Variants in MAP2K4 observed in about 807,000 individuals in gnomAD.
The protein encoded by MAP2K4 is dual specificity mitogen-activated protein kinase kinase 4.
MAP2K4 carries 4 observed loss-of-function variants against 48.5 expected under a neutral mutation model. The observed-to-expected ratio is 0.08, with a 90% confidence interval of 0.04 to 0.19. MAP2K4 has a LOEUF of 0.19. Among genes scored for constraint, MAP2K4 ranks in the 10% least tolerant of loss-of-function variants. The pLI is 1.00. For missense variants in MAP2K4, 258 were observed against 493.3 expected (o/e 0.52, Z 4.52); for synonymous variants, 166 against 173.1 (o/e 0.96, Z 0.32).
intron 2 of MAP2K4, among the ~76,000 whole-genome samples, chr17:12,056,514 C>T (rs1597419593): frequency 6.6e-6 from 1 of 151,962 alleles, no homozygotes; most frequent in Non-Finnish European, 1.5e-5. Context: ...TTTGTTTCTT[C>T]CCAGCAAGTA....
intron 3 of MAP2K4, among the ~76,000 whole-genome samples, chr17:12,088,479 A>G (rs1971441785): frequency 1.2e-5 from 1 of 80,412 alleles, no homozygotes; most frequent in Non-Finnish European, 2.7e-5. Context: ...TAAATATAAT[A>G]TTAAATATAC....
In MAP2K4 at chr17:12,134,612, T is replaced by C. The variant is rs138550672; in HGVS notation, c.1041-5227T>C. 1.2e-3 allele frequency among the ~76,000 whole-genome samples: 179 copies of C among 152,312 alleles called. 1 individual carries two copies. The highest frequency in any genetic ancestry group is 4.0e-3 in the African/African-American group (167 of 41,582). The stretch of plus-strand genomic sequence containing the variant: ...GTAGACAAAGAATTAAAATTAAAAT[T>C]CCTTCTACTTGAAGAATAACTCAAG... On this transcript the variant is annotated intron_variant, in intron 9 of 10. Coordinates refer to ENST00000353533, the MANE Select transcript of MAP2K4 (RefSeq NM_003010.4).
chr17:12,060,293 A>G lies in MAP2K4; in HGVS notation c.218+5302A>G, dbSNP rs903233785. 5.3e-5 allele frequency among the ~76,000 whole-genome samples: 8 copies of G among 152,082 alleles called. No individual in the cohort carries two copies. The South Asian group carries it at 8.3e-4, about 16-fold the overall frequency. ...ACTTTATCACTTAATTCTGCTCTCAATTTAGGCATTGAATTAGAATAGCGA... is the reference window on the plus strand; with the variant it reads ...ACTTTATCACTTAATTCTGCTCTCAGTTTAGGCATTGAATTAGAATAGCGA... On this transcript the variant is annotated intron_variant, in intron 2 of 10. Coordinates refer to ENST00000353533, the MANE Select transcript of MAP2K4 (RefSeq NM_003010.4).
intron 2 of MAP2K4, chr17:12,069,664 C>T: frequency 1.0e-6 from 1 of 1,000,044 alleles, no homozygotes; most frequent in Non-Finnish European, 1.2e-6. Flanking sequence ...TCTTAGATCA[C>T]AGCAAAGATA....
At chr17:12,140,714 C>T (rs1470691975) in intron 10 of MAP2K4, among the ~76,000 whole-genome samples, 3 of 152,088 alleles carry the variant, frequency 2.0e-5, no homozygotes. Flanking sequence ...AAAGGTCCTC[C>T]TGTTGTATAT....
chr17:12,040,123 T>C (rs142265869), intron 1 of MAP2K4, among the ~76,000 whole-genome samples: 2,129 of 152,298 alleles, frequency 0.014, 25 homozygotes, highest in Non-Finnish European at 0.022. Flanking sequence ...GCCAGTGTGA[T>C]CCATATAGTG....
Position 12,142,121 on chromosome 17 carries a change from A to T in MAP2K4, c.*861A>T, listed in dbSNP as rs1973394146. 4.3e-6 allele frequency: 1 copy of T among 233,448 alleles called. No individual in the cohort carries two copies. The highest frequency in any genetic ancestry group is 5.6e-5 in the Admixed American group (1 of 17,780). 14.5% of individuals were successfully genotyped at this position (233,448 alleles called of 1,614,324 possible). ...CAGGACTGAAAGAAGAAAACAGTAC[A>T]GAAGGCAAAGTTTACAGATGTTTTT... On this transcript the variant is annotated 3_prime_UTR_variant, in exon 11 of 11. Coordinates refer to ENST00000353533, the MANE Select transcript of MAP2K4 (RefSeq NM_003010.4).
chr17:12,046,512 A>G (rs532584488), intron 1 of MAP2K4, among the ~76,000 whole-genome samples: 1 of 152,268 alleles, frequency 6.6e-6, no homozygotes, highest in East Asian at 1.9e-4. Context: ...GTGGAATTAT[A>G]TATTTGCTTG....
intron 3 of MAP2K4, among the ~76,000 whole-genome samples, chr17:12,092,426 C>T (rs189206781): frequency 2.0e-4 from 30 of 152,204 alleles, no homozygotes; most frequent in African/African-American, 7.0e-4. Flanking sequence ...TTAGAAGATC[C>T]TGGACTCACT....
At chr17:12,024,396 G>C (rs559132739) in intron 1 of MAP2K4, among the ~76,000 whole-genome samples, 1 of 152,254 alleles carries the variant, frequency 6.6e-6, no homozygotes, top group East Asian at 1.9e-4. Context: ...TCAGATAATA[G>C]GGAATAGCTG....
At position 12,095,617 on chromosome 17, in the gene MAP2K4, C is replaced by G. The variant is rs1307654543; in HGVS notation, c.436C>G (p.Leu146Val). Reference sequence around the variant, plus strand: ...GGATGAAAAAGAACAAAAACAACTTCTTATGGATTTGGATGTAGTAATGCG... The same window carrying G: ...GGATGAAAAAGAACAAAAACAACTTGTTATGGATTTGGATGTAGTAATGCG... ...TVDEKEQKQL[L>V]MDLDVVMRSS... The change falls in exon 4 of 11, where the codon CTT becomes GTT. Residue 146 changes from leucine (L) to valine (V), a missense_variant. Coordinates refer to ENST00000353533, the MANE Select transcript of MAP2K4 (RefSeq NM_003010.4). 6.2e-7 allele frequency: 1 copy of G among 1,613,756 alleles called. No homozygotes were observed. The highest frequency in any genetic ancestry group is 8.5e-7 in the Non-Finnish European group (1 of 1,179,932).
Position 12,118,737 on chromosome 17 carries a change from G to T in MAP2K4, c.813+5377G>T, listed in dbSNP as rs182461470. On this transcript the variant is annotated intron_variant, in intron 7 of 10. Transcript: ENST00000353533. ...ATCATGCTAGCAGCAGTGAACAGAGGTGTGGGTGTGGAAGGTTTTCAGAAG... is the reference window on the plus strand; with the variant it reads ...ATCATGCTAGCAGCAGTGAACAGAGTTGTGGGTGTGGAAGGTTTTCAGAAG... Among the ~76,000 whole-genome samples the T allele has an allele frequency of 2.0e-5, 3 of 152,310 alleles. No individual in the cohort carries two copies. The East Asian group carries it at 5.8e-4, about 29-fold the overall frequency.
At chr17:12,029,914 T>C (rs1378029287) in intron 1 of MAP2K4, among the ~76,000 whole-genome samples, 2 of 150,708 alleles carry the variant, frequency 1.3e-5, no homozygotes, top group Admixed American at 6.6e-5. Flanking sequence ...AGACCCTGTC[T>C]CTAAAAAAAA....
intron 1 of MAP2K4, among the ~76,000 whole-genome samples, chr17:12,042,479 C>G (rs1250481108): frequency 6.6e-6 from 1 of 151,838 alleles, no homozygotes; most frequent in African/African-American, 2.4e-5. Context: ...AACCCCTTCT[C>G]TACAAAAAAA....
At position 12,039,625 on chromosome 17, in the gene MAP2K4, A is replaced by G. The variant is rs1969713444; in HGVS notation, c.116-15264A>G. Among the ~76,000 whole-genome samples the G allele has an allele frequency of 2.0e-5, 3 of 152,308 alleles. No individual in the cohort carries two copies. The South Asian group carries it at 6.2e-4, about 32-fold the overall frequency. ...TTAAGTACATAACCTTGATACAATT[A>G]TCTTACCATTAAATGAACAAAACAA... On this transcript the variant is annotated intron_variant, in intron 1 of 10. Transcript: ENST00000353533.
chr17:12,114,252 T>C (rs1972405003), intron 7 of MAP2K4, among the ~76,000 whole-genome samples: 1 of 152,212 alleles, frequency 6.6e-6, no homozygotes, highest in African/African-American at 2.4e-5. Context: ...GGCTAGATAT[T>C]ATAGGTGTTC....
intron 2 of MAP2K4, among the ~76,000 whole-genome samples, chr17:12,060,434 A>G (rs1056506459): frequency 1.3e-5 from 2 of 152,220 alleles, no homozygotes; most frequent in African/African-American, 4.8e-5. Flanking sequence ...TAAAGGAGGA[A>G]CTGTGCTGAC....
chr17:12,081,844 A>G lies in MAP2K4; in HGVS notation c.393+314A>G. On this transcript the variant is annotated intron_variant, in intron 3 of 10. Coordinates refer to ENST00000353533, the MANE Select transcript of MAP2K4 (RefSeq NM_003010.4). This position sits in a 1 kb window ranked among gnomAD's most constrained non-coding sequence, Gnocchi z 4.2. ...GCTGGGCGGCTGCACCCCTGGGAGC[A>G]GGGCAGTGCTGCACTGAGCCAGGCG... 1 of 516,646 alleles carries G rather than the reference A, an allele frequency of 1.9e-6. No homozygotes were observed. 32.0% of individuals were successfully genotyped at this position (516,646 alleles called of 1,614,324 possible).
At chr17:12,115,583 G>A in intron 7 of MAP2K4, 3 of 712,818 alleles carry the variant, frequency 4.2e-6, no homozygotes, top group Non-Finnish European at 7.9e-6. Flanking sequence ...GACTGCTTTT[G>A]TTGTTGATGA....
Sources: allele counts gnomAD v4.1 joint callset (sites outside exome capture counted in the v4.1 genomes callset), GRCh38; gene constraint gnomAD v4.1.1; non-coding constraint Gnocchi (gnomAD v3.1); transcripts MANE v1.5; gene names NCBI Gene and HGNC (gene_info 2026-07-23, HGNC 2026-07-21).